CYP7B1: variants seen among roughly 807,000 people sequenced by gnomAD.
CYP7B1 encodes the protein cytochrome P450 7B1.
In CYP7B1, 29 loss-of-function variants were observed where a neutral mutation model predicts 42.7. The ratio of observed to expected loss-of-function variants is 0.68; its 90% CI spans 0.51 to 0.93. CYP7B1 has a LOEUF of 0.93. CYP7B1 is among the 40% of genes least tolerant of loss of function. The probability of loss-of-function intolerance (pLI) is 0.00; values close to 1 mark genes in which losing one functional copy is unlikely to be tolerated. For synonymous variants in CYP7B1, 235 were observed against 218.2 expected (o/e 1.08, Z -0.68); for missense variants, 655 against 600.5 (o/e 1.09, Z -0.95).
At chr8:64,613,289 G>T (rs1171311955) in intron 4 of CYP7B1, among the ~76,000 whole-genome samples, 1 of 152,128 alleles carries the variant, frequency 6.6e-6, no homozygotes, top group African/African-American at 2.4e-5. Context: ...TCAAATTATA[G>T]TTCTAGAATC....
chr8:64,696,896 T>C (rs531070945), intron 1 of CYP7B1, among the ~76,000 whole-genome samples: 1 of 152,212 alleles, frequency 6.6e-6, no homozygotes, highest in Non-Finnish European at 1.5e-5. Context: ...TCAGTCACTG[T>C]GGACTTAACA....
intron 1 of CYP7B1, among the ~76,000 whole-genome samples, chr8:64,652,799 G>A (rs570614483): frequency 2.6e-5 from 4 of 152,232 alleles, no homozygotes; most frequent in African/African-American, 4.8e-5. Context: ...AACTGAGATC[G>A]TGCCACTGCA....
chr8:64,733,247 G>A (rs1245435914), intron 1 of CYP7B1, among the ~76,000 whole-genome samples: 1 of 152,156 alleles, frequency 6.6e-6, no homozygotes, highest in Admixed American at 6.5e-5. Flanking sequence ...ACCACTTTAA[G>A]AGATGGGTCC....
Position 64,596,147 on chromosome 8 carries a change from TTAA to T in CYP7B1, c.*492_*494del, listed in dbSNP as rs1197122521. ...ACATACCCTGGAAATATAGGTATTA[TTAA>T]TATTATACTTGAAGGGAACATTTTC... On this transcript the variant is annotated 3_prime_UTR_variant, in exon 6 of 6. Coordinates refer to ENST00000310193, the MANE Select transcript of CYP7B1 (RefSeq NM_004820.5). 1 of 163,868 alleles carries T rather than the reference TTAA, an allele frequency of 6.1e-6. No homozygotes were observed. Among genetic ancestry groups the T allele is most frequent in the Non-Finnish European group, 1.4e-5 (1 of 71,846 alleles). The allele number at this position is 163,868 out of a possible 1,614,324, so 10.2% of individuals were successfully genotyped here.
At chr8:64,615,628 T>G in intron 3 of CYP7B1, 63 bp downstream of exon 3, 3 of 1,519,504 alleles carry the variant, frequency 2.0e-6, no homozygotes, top group Non-Finnish European at 2.7e-6. Flanking sequence ...TTTTGTCTTT[T>G]TATTTCAGAG....
chr8:64,720,204 T>C (rs912575839), intron 1 of CYP7B1, among the ~76,000 whole-genome samples: 22 of 152,188 alleles, frequency 1.4e-4, no homozygotes, highest in African/African-American at 5.3e-4. Flanking sequence ...TATGGTCATT[T>C]ACATAACAGA....
chr8:64,713,567 CT>C (rs1807111916), intron 1 of CYP7B1, among the ~76,000 whole-genome samples: 1 of 151,880 alleles, frequency 6.6e-6, no homozygotes, highest in African/African-American at 2.4e-5. Flanking sequence ...AATGAAATGT[CT>C]GTAACAAAAA....
intron 4 of CYP7B1, among the ~76,000 whole-genome samples, chr8:64,609,189 G>A (rs1277014775): frequency 2.6e-5 from 4 of 152,130 alleles, no homozygotes; most frequent in African/African-American, 9.7e-5. Context: ...TATATTTATG[G>A]TGTACAACTT....
At chr8:64,647,584 T>C (rs373586105) in intron 1 of CYP7B1, among the ~76,000 whole-genome samples, 49 of 152,276 alleles carry the variant, frequency 3.2e-4, no homozygotes, top group African/African-American at 1.2e-3. Flanking sequence ...ACTAACAATA[T>C]AATTCAGTCT....
chr8:64,774,636 C>A (rs910774309), intron 1 of CYP7B1, among the ~76,000 whole-genome samples: 1 of 152,038 alleles, frequency 6.6e-6, no homozygotes, highest in Non-Finnish European at 1.5e-5. Flanking sequence ...ATAAACAGGT[C>A]CCATATTTAT....
At chr8:64,781,869 T>G (rs1804429373) in intron 1 of CYP7B1, among the ~76,000 whole-genome samples, 1 of 152,176 alleles carries the variant, frequency 6.6e-6, no homozygotes, top group Non-Finnish European at 1.5e-5. Context: ...CCAGGTCTAT[T>G]CCCAAGTAGC....
chr8:64,655,752 G>T (rs1396345929), intron 1 of CYP7B1, among the ~76,000 whole-genome samples: 1 of 152,100 alleles, frequency 6.6e-6, no homozygotes, highest in Non-Finnish European at 1.5e-5. Context: ...GCAAAGACAT[G>T]AAATCAACCT....
intron 1 of CYP7B1, among the ~76,000 whole-genome samples, chr8:64,700,627 T>A (rs1166777909): frequency 5.3e-5 from 8 of 152,022 alleles, no homozygotes; most frequent in Non-Finnish European, 1.5e-5. Flanking sequence ...TTCATGGGAG[T>A]CGTGATTGGT....
chr8:64,791,730 T>C (rs752001374), intron 1 of CYP7B1, among the ~76,000 whole-genome samples: 3 of 152,202 alleles, frequency 2.0e-5, no homozygotes, highest in Admixed American at 2.0e-4. Context: ...GGTAATTTGT[T>C]ATAGTAACAT....
At chr8:64,736,869 C>A (rs987578132) in intron 1 of CYP7B1, among the ~76,000 whole-genome samples, 22 of 152,070 alleles carry the variant, frequency 1.4e-4, no homozygotes, top group Non-Finnish European at 2.5e-4. Flanking sequence ...CTGTCTATAA[C>A]AGATATGTTA....
intron 1 of CYP7B1, among the ~76,000 whole-genome samples, chr8:64,632,503 A>G (rs1189056745): frequency 6.6e-6 from 1 of 152,134 alleles, no homozygotes; most frequent in East Asian, 1.9e-4. Flanking sequence ...GCTGCTGTAC[A>G]ACATTGTATG....
At chr8:64,620,480 T>C (rs986603512) in intron 2 of CYP7B1, among the ~76,000 whole-genome samples, 8 of 152,178 alleles carry the variant, frequency 5.3e-5, no homozygotes, top group African/African-American at 1.9e-4. Flanking sequence ...ATTAGAGAAC[T>C]ATTTTCTGCG....
At chr8:64,721,608 C>T (rs529910735) in intron 1 of CYP7B1, among the ~76,000 whole-genome samples, 44 of 152,216 alleles carry the variant, frequency 2.9e-4, no homozygotes, top group Admixed American at 5.2e-4. Flanking sequence ...AGGACTTTTT[C>T]GCAACAGCAA....
intron 1 of CYP7B1, among the ~76,000 whole-genome samples, chr8:64,674,759 C>T (rs1806418517): frequency 6.6e-6 from 1 of 151,908 alleles, no homozygotes; most frequent in African/African-American, 2.4e-5. Flanking sequence ...CTAAAGTGTT[C>T]TTAATAAAAA....
Sources: allele counts gnomAD v4.1 joint callset (sites outside exome capture counted in the v4.1 genomes callset), GRCh38; gene constraint gnomAD v4.1.1; transcripts MANE v1.5; gene names NCBI Gene and HGNC (gene_info 2026-07-23, HGNC 2026-07-21).